The following SETD5 variants were observed in gnomAD, a reference collection of about 807,000 sequenced individuals.
SETD5 encodes SET domain containing 5, also known as histone-lysine N-methyltransferase SETD5.
SETD5 carries 44 observed loss-of-function variants against 153.3 expected under a neutral mutation model. The observed-to-expected ratio is 0.29, with a 90% CI of 0.23 to 0.37. SETD5 has a LOEUF of 0.37. Among genes scored for constraint, SETD5 ranks in the 10% least tolerant of loss-of-function variants. The probability of loss-of-function intolerance (pLI) is 1.00; values close to 1 mark genes in which losing one functional copy is unlikely to be tolerated. For missense variants in SETD5, 1,544 were observed against 1,768.0 expected (o/e 0.87, Z 2.27); for synonymous variants, 716 against 645.2 (o/e 1.11, Z -1.66).
chr3:9,435,001 TAGGG>T (rs2040386729), intron 6 of SETD5, 119 bp downstream of exon 6: 3 of 1,172,362 alleles, frequency 2.6e-6, no homozygotes, highest in Admixed American at 2.8e-5. Flanking sequence ...TCTCACCACT[TAGGG>T]AGGCCAAAGC....
chr3:9,475,039 G>T, intron 21 of SETD5, 29 bp from the exon 22 acceptor site: 1 of 1,536,120 alleles, frequency 6.5e-7, no homozygotes, highest in South Asian at 1.2e-5. Context: ...AAGCCAAGTT[G>T]ATTTTTTTTT....
At chr3:9,465,672 C>A (rs1472255384) in intron 18 of SETD5, among the ~76,000 whole-genome samples, 1 of 152,192 alleles carries the variant, frequency 6.6e-6, no homozygotes, top group Non-Finnish European at 1.5e-5. Context: ...GAAAGCAGAA[C>A]TGTATTCTTT....
At chr3:9,459,719 A>C (rs1276740264) in intron 17 of SETD5, among the ~76,000 whole-genome samples, 7 of 151,008 alleles carry the variant, frequency 4.6e-5, no homozygotes, top group Non-Finnish European at 8.9e-5. Flanking sequence ...TCCATCAAAA[A>C]AAAAAAAAAA....
At chr3:9,443,508 C>G (rs1260483025) in intron 11 of SETD5, 91 bp downstream of exon 11, 1 of 701,472 alleles carries the variant, frequency 1.4e-6, no homozygotes. Context: ...TGTTTCTTGC[C>G]TTTTCCTTTG....
chr3:9,418,650 A>G (rs1441296401), intron 1 of SETD5, among the ~76,000 whole-genome samples: 4 of 151,888 alleles, frequency 2.6e-5, no homozygotes, highest in African/African-American at 7.3e-5. Flanking sequence ...TAAAAATACA[A>G]TAATCAGCTG....
intron 18 of SETD5, chr3:9,464,962 C>T (rs2044382556): frequency 1.1e-5 from 5 of 436,962 alleles, no homozygotes; most frequent in Admixed American, 3.5e-5. Context: ...GCTAGATCTC[C>T]ATCGTTATCT....
At chr3:9,460,913 T>G (rs2043880189) in intron 17 of SETD5, among the ~76,000 whole-genome samples, 1 of 152,096 alleles carries the variant, frequency 6.6e-6, no homozygotes, top group Non-Finnish European at 1.5e-5. Flanking sequence ...TTTTACAGTG[T>G]CAGGGTGGGT....
Position 9,434,559 on chromosome 3 carries a change from A to T in SETD5, c.329+74A>T. 6.3e-7 allele frequency: 1 copy of T among 1,594,970 alleles called. No homozygotes were observed. The highest frequency in any genetic ancestry group is 8.5e-7 in the Non-Finnish European group (1 of 1,170,216). On this transcript the variant is annotated intron_variant, in intron 5 of 22. Transcript: ENST00000402198. This position sits in a 1 kb window ranked among gnomAD's most constrained non-coding sequence, Gnocchi z 5.6. Reference sequence around the variant, plus strand: ...GTTTCTTACAAGTAGGGAAAAGCTCAAAGTATTCTTTCTTGTGTTTGTTAA... The same window carrying T: ...GTTTCTTACAAGTAGGGAAAAGCTCTAAGTATTCTTTCTTGTGTTTGTTAA...
intron 13 of SETD5, 143 bp from the exon 14 acceptor site, chr3:9,446,907 A>G (rs2042086241): frequency 4.9e-6 from 3 of 606,088 alleles, no homozygotes; most frequent in Admixed American, 3.4e-5. Context: ...TTTATTTTTA[A>G]TCTTCTGTTT....
chr3:9,467,002 C>T (rs2044659596), intron 18 of SETD5, among the ~76,000 whole-genome samples: 1 of 151,922 alleles, frequency 6.6e-6, no homozygotes, highest in Non-Finnish European at 1.5e-5. Flanking sequence ...ACATGCCAGC[C>T]TGGGCAACAG....
At chr3:9,431,776 T>TC (rs1261705997) in intron 3 of SETD5, 26 of 946,808 alleles carry the variant, frequency 2.7e-5, no homozygotes, top group Non-Finnish European at 3.1e-5. Context: ...CCAGCATAGC[T>TC]CCATCTCCAT....
intron 1 of SETD5, among the ~76,000 whole-genome samples, chr3:9,413,202 G>T (rs1331728820): frequency 6.6e-6 from 1 of 151,962 alleles, no homozygotes; most frequent in African/African-American, 2.4e-5. Flanking sequence ...CCAATCAACA[G>T]AAAAAATAGA....
intron 3 of SETD5, chr3:9,433,267 A>G: frequency 1.4e-6 from 1 of 726,774 alleles, no homozygotes; most frequent in Non-Finnish European, 2.0e-6. Context: ...TCATTGGTGG[A>G]TGAGAAATTA....
At chr3:9,440,409 T>G in intron 7 of SETD5, 47 bp from the exon 8 acceptor site, 3 of 1,025,224 alleles carry the variant, frequency 2.9e-6, no homozygotes, top group Non-Finnish European at 4.6e-6. Context: ...CCCAACCCTC[T>G]ATTTATGCAT....
In SETD5 at chr3:9,435,798, A is replaced by G; in HGVS notation, c.459A>G (p.Thr153=). The G allele has an allele frequency of 3.7e-6, 6 of 1,603,456 alleles. No individual in the cohort carries two copies. Among genetic ancestry groups the G allele is most frequent in the Non-Finnish European group, 5.1e-6 (6 of 1,174,750 alleles). ...CTTCCACTGTGTTGTATACAGCAAC[A>G]CAGCACACACCTACAAGCATCACCT... ...LSPSTVLYTA[T]QHTPTSITLT... Residue 153 remains threonine (T), a synonymous_variant, in exon 7 of 23, where the codon ACA becomes ACG. Transcript: ENST00000402198.
chr3:9,444,869 C>T (rs1246941392), intron 11 of SETD5, among the ~76,000 whole-genome samples, 179 bp from the exon 12 acceptor site: 2 of 152,096 alleles, frequency 1.3e-5, no homozygotes, highest in African/African-American at 4.8e-5. Flanking sequence ...GAGCGAGATT[C>T]CGTCTCCAAT....
At chr3:9,463,022 G>A (rs983461771) in intron 17 of SETD5, among the ~76,000 whole-genome samples, 9 of 149,858 alleles carry the variant, frequency 6.0e-5, no homozygotes, top group Middle Eastern at 7.0e-3. Flanking sequence ...TTGTTGTGTC[G>A]TTTTGTTTTG....
chr3:9,411,389 T>C (rs1484210797), intron 1 of SETD5, among the ~76,000 whole-genome samples: 4 of 152,248 alleles, frequency 2.6e-5, no homozygotes, highest in Middle Eastern at 3.2e-3. Context: ...AAAAGTCTTG[T>C]ACCTGTTAAA....
chr3:9,466,230 G>T (rs2044550352), intron 18 of SETD5, among the ~76,000 whole-genome samples: 1 of 147,334 alleles, frequency 6.8e-6, no homozygotes, highest in African/African-American at 2.5e-5. Context: ...GGAGCTTGCA[G>T]TGAGCCGAGA....
Sources: gnomAD v4.1 joint callset for allele counts (sites outside exome capture counted in the v4.1 genomes callset) on GRCh38, gnomAD v4.1.1 for gene constraint, Gnocchi (gnomAD v3.1) non-coding constraint, MANE v1.5 for transcripts, NCBI Gene and HGNC (gene_info 2026-07-23, HGNC 2026-07-21) for gene names.